Variants in LRP2 observed in about 807,000 individuals in gnomAD.
LRP2 encodes LDL receptor related protein 2.
A neutral mutation model predicts 531.0 loss-of-function variants in LRP2; 172 were observed. That is an observed-to-expected ratio of 0.32 (90% CI 0.29 to 0.37). The LOEUF (loss-of-function observed/expected upper bound fraction) is 0.37. LRP2 is among the 10% of genes least tolerant of loss of function. LRP2 has a pLI of 1.00. For synonymous variants in LRP2, 1,992 were observed against 2,027.6 expected, an observed-to-expected ratio of 0.98 and a Z score of 0.47; for missense variants, 5,167 against 5,868.3, an observed-to-expected ratio of 0.88 and a Z score of 3.90.
chr2:169,331,241 G>A (rs1685256189), intron 1 of LRP2, among the ~76,000 whole-genome samples: 1 of 152,120 alleles, frequency 6.6e-6, no homozygotes, highest in Admixed American at 6.5e-5. Context: ...TTCATTATCA[G>A]AGCAAAAAAA....
intron 17 of LRP2, among the ~76,000 whole-genome samples, chr2:169,258,441 T>A (rs999584306): frequency 6.6e-6 from 1 of 152,092 alleles, no homozygotes; most frequent in African/African-American, 2.4e-5. Flanking sequence ...ATTCCACTCA[T>A]ATACAACACA....
chr2:169,163,972 C>A (rs888793120), intron 62 of LRP2, among the ~76,000 whole-genome samples: 4 of 152,228 alleles, frequency 2.6e-5, no homozygotes, highest in Non-Finnish European at 5.9e-5. Flanking sequence ...GGGACCTTTA[C>A]AATGTCTGCC....
rs1175994538 is a variant in LRP2, at chr2:169,326,985, G to C, written c.80-6101C>G. ...TGAGGAGACCCTCCACCCAGCATCC[G>C]CCCCATCTGAGAAGTGAGGAGCCCC... is the stretch of plus-strand genomic sequence containing the variant. On this transcript the variant is annotated intron_variant, in intron 1 of 78. Transcript: ENST00000649046. Among the ~76,000 whole-genome samples the C allele has an allele frequency of 1.7e-4, 15 of 88,914 alleles. 1 individual carries two copies. The highest frequency in any genetic ancestry group is 3.3e-4 in the South Asian group (1 of 3,050). The allele number at this position is 88,914 out of a possible 152,430, so 58.3% of individuals were successfully genotyped here. A position where few individuals can be genotyped will look rare whatever the true frequency, so the allele number is the denominator to read the frequency against.
At chr2:169,160,705 A>G (rs551275072) in intron 63 of LRP2, among the ~76,000 whole-genome samples, 1 of 150,476 alleles carries the variant, frequency 6.6e-6, no homozygotes, top group African/African-American at 2.4e-5. Context: ...ACCTGCTACT[A>G]ATTAAATGCC....
intron 4 of LRP2, among the ~76,000 whole-genome samples, chr2:169,300,384 A>G (rs1454823264): frequency 6.6e-6 from 1 of 152,150 alleles, no homozygotes; most frequent in Non-Finnish European, 1.5e-5. Flanking sequence ...TAGCATTGAA[A>G]GAATATTTTC....
chr2:169,189,096 C>T (rs1399770305), intron 48 of LRP2, among the ~76,000 whole-genome samples: 1 of 152,144 alleles, frequency 6.6e-6, no homozygotes, highest in Non-Finnish European at 1.5e-5. Context: ...CATATTACTC[C>T]AAGATCCCAT....
intron 25 of LRP2, 115 bp from the exon 26 acceptor site, chr2:169,239,890 G>C (rs1689743400): frequency 1.1e-6 from 1 of 899,154 alleles, no homozygotes; most frequent in Non-Finnish European, 1.8e-6. Context: ...ATGATGCCCA[G>C]ACAAGAGCTA....
In LRP2 at chr2:169,201,873, A is replaced by G. The variant is rs372053334; in HGVS notation, c.8210-3T>C. 3 of 1,614,106 alleles carry G rather than the reference A, an allele frequency of 1.9e-6. No homozygotes were observed. The highest frequency in any genetic ancestry group is 2.2e-5 in the South Asian group (2 of 91,084). Reference sequence around the variant, plus strand: ...TGTCGGTGAGCAGGTGTGAAGTGCTAAGAACAGGAAAAACATGAGAACAAA... The same window carrying G: ...TGTCGGTGAGCAGGTGTGAAGTGCTGAGAACAGGAAAAACATGAGAACAAA... On this transcript the variant is annotated splice_region_variant and splice_polypyrimidine_tract_variant and intron_variant, in intron 43 of 78. Coordinates refer to ENST00000649046, the MANE Select transcript of LRP2 (RefSeq NM_004525.3).
intron 1 of LRP2, among the ~76,000 whole-genome samples, chr2:169,358,898 C>CAAAAAA (rs777233354): frequency 8.6e-6 from 1 of 115,912 alleles, no homozygotes; most frequent in East Asian, 2.5e-4. Context: ...ACGATTTTCT[C>CAAAAAA]AAAAAAAAAA....
intron 7 of LRP2, among the ~76,000 whole-genome samples, chr2:169,291,854 T>TGTAA (rs1431851432): frequency 1.3e-5 from 2 of 152,176 alleles, no homozygotes; most frequent in East Asian, 3.9e-4. Context: ...TTTTAAAGAT[T>TGTAA]GTAAGGTCTA....
chr2:169,169,577 T>C (rs1413999225), intron 60 of LRP2, 125 bp downstream of exon 60: 1 of 786,842 alleles, frequency 1.3e-6, no homozygotes, highest in East Asian at 2.4e-5. Flanking sequence ...CTGATCATTA[T>C]CAGTGCATGC....
At position 169,226,410 on chromosome 2, in the gene LRP2, T is replaced by C. The variant is rs370940073; in HGVS notation, c.5394+12A>G. The C allele has an allele frequency of 6.8e-6, 11 of 1,607,790 alleles. No homozygotes were observed. Among genetic ancestry groups the C allele is most frequent in the African/African-American group, 1.3e-5 (1 of 74,810 alleles). On this transcript the variant is annotated intron_variant, in intron 32 of 78. Transcript: ENST00000649046. Reference sequence around the variant, plus strand: ...AATAAATTATATACTTTGAATGTTATTCAAAACTTACTGGATTTTCAACCC... The same window carrying C: ...AATAAATTATATACTTTGAATGTTACTCAAAACTTACTGGATTTTCAACCC...
chr2:169,327,706 T>G (rs1574261768), intron 1 of LRP2, among the ~76,000 whole-genome samples: 2 of 99,288 alleles, frequency 2.0e-5, no homozygotes, highest in African/African-American at 8.1e-5. Flanking sequence ...GGGAGGGAGG[T>G]GGGGGGATCA....
rs184909766 is a variant in LRP2 at position 169,277,596 on chromosome 2, A to T, written c.1772+149T>A. On this transcript the variant is annotated intron_variant, in intron 13 of 78. Coordinates refer to ENST00000649046, the MANE Select transcript of LRP2 (RefSeq NM_004525.3). The stretch of plus-strand genomic sequence containing the variant: ...TTAACAAAATAGAGCAGGTCACTTC[A>T]TGCAAATGTCAGTACAAAGGTCATT... 4.1e-6 allele frequency: 3 copies of T among 736,792 alleles called. No individual in the cohort carries two copies. In the African/African-American group the frequency reaches 5.3e-5, roughly 13 times the overall value. The allele number at this position is 736,792 out of a possible 1,614,324, so 45.6% of individuals were successfully genotyped here. A position where few individuals can be genotyped will look rare whatever the true frequency, so the allele number is the denominator to read the frequency against.
chr2:169,290,792 G>T, intron 8 of LRP2, 53 bp downstream of exon 8: 1 of 1,578,744 alleles, frequency 6.3e-7, no homozygotes, highest in East Asian at 2.2e-5. Context: ...GTCTGTTCTA[G>T]AAAACAGAAA....
chr2:169,209,670 A>G, intron 37 of LRP2, 29 bp from the exon 38 acceptor site: 1 of 1,607,286 alleles, frequency 6.2e-7, no homozygotes, highest in Non-Finnish European at 8.5e-7. Context: ...TCATTAAAAA[A>G]TGCTGTCACT....
chr2:169,133,152 T>C (rs1308381271), intron 76 of LRP2, among the ~76,000 whole-genome samples: 2 of 152,246 alleles, frequency 1.3e-5, no homozygotes. Flanking sequence ...TCTTCGGAAA[T>C]TAAGATTTCA....
At chr2:169,211,139 T>C (rs975556800) in intron 37 of LRP2, among the ~76,000 whole-genome samples, 1 of 152,232 alleles carries the variant, frequency 6.6e-6, no homozygotes, top group Admixed American at 6.5e-5. Context: ...AACATGACCA[T>C]CAGGCAGGAG....
chr2:169,166,441 C>T (rs1686787133), intron 61 of LRP2, among the ~76,000 whole-genome samples: 1 of 152,224 alleles, frequency 6.6e-6, no homozygotes, highest in Non-Finnish European at 1.5e-5. Context: ...GGTCTCTGGA[C>T]CTGAATAAAG....
Sources: gnomAD v4.1 joint callset for allele counts (sites outside exome capture counted in the v4.1 genomes callset) on GRCh38, gnomAD v4.1.1 for gene constraint, MANE v1.5 for transcripts, NCBI Gene and HGNC (gene_info 2026-07-23, HGNC 2026-07-21) for gene names.